CAMK2B: variants seen among roughly 807,000 people sequenced by gnomAD.
CAMK2B encodes calcium/calmodulin-dependent protein kinase type II subunit beta.
A neutral mutation model predicts 93.7 loss-of-function variants in CAMK2B; 27 were observed. That is an observed-to-expected ratio of 0.29 (90% CI 0.21 to 0.40). CAMK2B has a LOEUF of 0.40. CAMK2B is among the 10% of genes least tolerant of loss of function. CAMK2B has a pLI of 1.00. For missense variants in CAMK2B, 568 were observed against 895.8 expected (o/e 0.63, Z 4.67); for synonymous variants, 374 against 358.8 (o/e 1.04, Z -0.48).
chr7:44,276,695 T>C (rs1321369276), intron 2 of CAMK2B, among the ~76,000 whole-genome samples: 1 of 152,056 alleles, frequency 6.6e-6, no homozygotes, highest in African/African-American at 2.4e-5. Flanking sequence ...GTGATACTGA[T>C]CTCTCTGTGG....
chr7:44,245,793 C>G (rs1344813299), intron 6 of CAMK2B, among the ~76,000 whole-genome samples: 3 of 152,066 alleles, frequency 2.0e-5, no homozygotes, highest in African/African-American at 7.2e-5. Context: ...TCATCGATGG[C>G]CTAAGGAAAG....
intron 6 of CAMK2B, among the ~76,000 whole-genome samples, chr7:44,243,956 G>A (rs1584110969): frequency 6.6e-6 from 1 of 152,174 alleles, no homozygotes; most frequent in Admixed American, 6.5e-5. Context: ...CTGGCTGAGA[G>A]GCTGCAATGG....
intron 1 of CAMK2B, 59 bp downstream of exon 1, chr7:44,325,298 C>G: frequency 9.8e-7 from 1 of 1,018,632 alleles, no homozygotes; most frequent in South Asian, 2.8e-5. Context: ...CGCGGAGGGT[C>G]CCGGAGGTCC....
At chr7:44,277,049 C>T (rs575634234) in intron 2 of CAMK2B, among the ~76,000 whole-genome samples, 16 of 152,282 alleles carry the variant, frequency 1.1e-4, no homozygotes, top group Admixed American at 2.0e-4. Flanking sequence ...AGGGTCACCC[C>T]GCTGCACTGC....
chr7:44,300,221 A>G (rs1258535419), intron 1 of CAMK2B, among the ~76,000 whole-genome samples: 1 of 152,026 alleles, frequency 6.6e-6, no homozygotes, highest in East Asian at 1.9e-4. Flanking sequence ...TTTTTTGTAG[A>G]GATGGGGTCT....
chr7:44,306,996 G>GA (rs1219946849), intron 1 of CAMK2B, among the ~76,000 whole-genome samples: 1 of 143,274 alleles, frequency 7.0e-6, no homozygotes, highest in Non-Finnish European at 1.5e-5. Flanking sequence ...GTGAGCAGGA[G>GA]GAGGAGGGTG....
At chr7:44,246,157 C>A (rs967252488) in intron 6 of CAMK2B, among the ~76,000 whole-genome samples, 2 of 152,002 alleles carry the variant, frequency 1.3e-5, no homozygotes, top group African/African-American at 4.8e-5. Flanking sequence ...CAGACCCTGG[C>A]GAGTCCTGCT....
chr7:44,300,034 G>C (rs1789495147), intron 1 of CAMK2B, among the ~76,000 whole-genome samples: 1 of 151,264 alleles, frequency 6.6e-6, no homozygotes, highest in Non-Finnish European at 1.5e-5. Flanking sequence ...GTGTGTGTGT[G>C]TGTGTGTGTG....
intron 20 of CAMK2B, among the ~76,000 whole-genome samples, chr7:44,221,987 C>T (rs1032002040): frequency 6.6e-6 from 1 of 152,186 alleles, no homozygotes; most frequent in Admixed American, 6.5e-5. Context: ...TCAATCTTGC[C>T]GCATTCACTC....
intron 5 of CAMK2B, among the ~76,000 whole-genome samples, chr7:44,253,217 T>A (rs1449784109): frequency 6.6e-6 from 1 of 151,354 alleles, no homozygotes; most frequent in Non-Finnish European, 1.5e-5. Flanking sequence ...TTTTTTTGGT[T>A]TTTTTTTTTG....
intron 19 of CAMK2B, among the ~76,000 whole-genome samples, 170 bp downstream of exon 19, chr7:44,228,626 T>C (rs1271679400): frequency 1.3e-5 from 2 of 152,082 alleles, no homozygotes; most frequent in African/African-American, 2.4e-5. Context: ...GGAGCTGCCC[T>C]GCTGGTTAGC....
At chr7:44,241,567 G>C (rs2096678976) in intron 11 of CAMK2B, 133 bp downstream of exon 11, 1 of 707,950 alleles carries the variant, frequency 1.4e-6, no homozygotes. Context: ...TCCAGTCTGG[G>C]ACTTGCTAAC....
intron 2 of CAMK2B, among the ~76,000 whole-genome samples, chr7:44,274,637 CCA>C (rs2097014456): frequency 6.6e-6 from 1 of 152,248 alleles, no homozygotes; most frequent in African/African-American, 2.4e-5. Flanking sequence ...TCTTCTCCTC[CCA>C]CCTGTTCAAC....
At chr7:44,231,335 T>C (rs957707820) in intron 16 of CAMK2B, among the ~76,000 whole-genome samples, 1 of 152,018 alleles carries the variant, frequency 6.6e-6, no homozygotes, top group African/African-American at 2.4e-5. Flanking sequence ...CAGGGTGCAT[T>C]CTCACGGCAG....
Position 44,247,199 on chromosome 7 carries a change from C to T in CAMK2B, c.342-7G>A, listed in dbSNP as rs2096739546. The T allele has an allele frequency of 1.2e-6, 2 of 1,613,770 alleles. No homozygotes were observed. The highest frequency in any genetic ancestry group is 1.3e-5 in the African/African-American group (1 of 74,896). Reference sequence around the variant, plus strand: ...GATCTGCTGGATACAGTGACTGTGGCAAACAGCAGGTGGGTTAGTGCGAGT... The same window carrying T: ...GATCTGCTGGATACAGTGACTGTGGTAAACAGCAGGTGGGTTAGTGCGAGT... On this transcript the variant is annotated splice_polypyrimidine_tract_variant and splice_region_variant and intron_variant, in intron 5 of 23. Transcript: ENST00000395749.
Position 44,248,688 on chromosome 7 carries a change from G to A in CAMK2B, c.342-1496C>T, listed in dbSNP as rs186578571. Among the ~76,000 whole-genome samples the A allele has an allele frequency of 1.8e-4, 28 of 152,318 alleles. No individual in the cohort carries two copies. The highest frequency in any genetic ancestry group is 3.4e-3 in the Middle Eastern group (1 of 294). ...CTAACAGCAAATTCAGAGAAGACAC[G>A]AGAGGTCAGCCTTCTTCCTCAAATA... On this transcript the variant is annotated intron_variant, in intron 5 of 23. Transcript: ENST00000395749. The surrounding 1 kb of genome is among the most constrained non-coding windows in gnomAD (Gnocchi z 4.1).
intron 1 of CAMK2B, among the ~76,000 whole-genome samples, chr7:44,323,017 T>C (rs1030691082): frequency 6.6e-6 from 1 of 152,118 alleles, no homozygotes; most frequent in Non-Finnish European, 1.5e-5. Context: ...ATGGGCTGAG[T>C]GCCCACAACT....
At chr7:44,289,074 T>C (rs1785983603) in intron 1 of CAMK2B, among the ~76,000 whole-genome samples, 1 of 152,204 alleles carries the variant, frequency 6.6e-6, no homozygotes, top group Non-Finnish European at 1.5e-5. Flanking sequence ...AACAGACTGC[T>C]GGTGCAGGCC....
At chr7:44,238,294 C>T (rs371743046) in intron 13 of CAMK2B, among the ~76,000 whole-genome samples, 1 of 152,206 alleles carries the variant, frequency 6.6e-6, no homozygotes, top group Admixed American at 6.5e-5. Context: ...CCTCATGCAC[C>T]GTCGCCCCAC....
Sources: gnomAD v4.1 joint callset for allele counts (sites outside exome capture counted in the v4.1 genomes callset) on GRCh38, gnomAD v4.1.1 for gene constraint, Gnocchi (gnomAD v3.1) non-coding constraint, MANE v1.5 for transcripts, NCBI Gene and HGNC (gene_info 2026-07-23, HGNC 2026-07-21) for gene names.